The following CFAP299 variants were observed in gnomAD, a reference collection of about 807,000 sequenced individuals.
The protein encoded by CFAP299 is cilia and flagella associated protein 299, also known as cilia- and flagella-associated protein 299.
In CFAP299, 21 loss-of-function variants were observed where a neutral mutation model predicts 27.0. The ratio of observed to expected loss-of-function variants is 0.78; its 90% CI spans 0.55 to 1.12. CFAP299 has a LOEUF of 1.12. Among genes scored for constraint, CFAP299 ranks in the 50% most tolerant of loss-of-function variants. The pLI is 0.00. For synonymous variants in CFAP299, 104 were observed against 98.1 expected, an observed-to-expected ratio of 1.06 and a Z score of -0.36; for missense variants, 310 against 276.6, an observed-to-expected ratio of 1.12 and a Z score of -0.86.
chr4:80,902,410 A>G (rs188369978), intron 4 of CFAP299, among the ~76,000 whole-genome samples: 4 of 146,518 alleles, frequency 2.7e-5, no homozygotes, highest in African/African-American at 9.9e-5. Flanking sequence ...ACTTTATATA[A>G]ATATATAATA....
At chr4:80,783,735 T>C (rs936963409) in intron 3 of CFAP299, among the ~76,000 whole-genome samples, 1 of 152,194 alleles carries the variant, frequency 6.6e-6, no homozygotes, top group Non-Finnish European at 1.5e-5. Context: ...TTTTTAGGAA[T>C]CTTTCAAAAT....
In CFAP299 at chr4:80,963,659, T is replaced by G. The variant is rs2109872965; in HGVS notation, c.*47T>G. 1.6e-6 allele frequency: 2 copies of G among 1,277,792 alleles called. No homozygotes were observed. Among genetic ancestry groups the G allele is most frequent in the South Asian group, 2.5e-5 (2 of 79,810 alleles). The allele number at this position is 1,277,792 out of a possible 1,614,324, so 79.2% of individuals were successfully genotyped here. A position where few individuals can be genotyped will look rare whatever the true frequency, so the allele number is the denominator to read the frequency against. ...AATAATTTGCTAAATTTAAATAAAT[T>G]CCGTAGACAGAGCAAATTAGAATAA... On this transcript the variant is annotated 3_prime_UTR_variant, in exon 6 of 6. Transcript: ENST00000358105.
intron 1 of CFAP299, among the ~76,000 whole-genome samples, chr4:80,343,193 A>G (rs141776771): frequency 6.2e-4 from 94 of 152,366 alleles, no homozygotes; most frequent in African/African-American, 2.2e-3. Context: ...TTAGAGACCT[A>G]CAAAGAGACT....
rs1394788228 is a variant in CFAP299, at chr4:80,799,820, TTA to T, written c.334-70165_334-70164del. Among the ~76,000 whole-genome samples the T allele has an allele frequency of 5.5e-5, 2 of 36,514 alleles. 1 individual carries two copies. 24.0% of individuals were successfully genotyped at this position (36,514 alleles called of 152,430 possible). On this transcript the variant is annotated intron_variant, in intron 3 of 5. Transcript: ENST00000358105. ...ATTATATAATATATAAATATATATA[TTA>T]TATATATTTATATATTATATTATAT...
At chr4:80,467,793 G>C (rs1327779432) in intron 2 of CFAP299, among the ~76,000 whole-genome samples, 1 of 152,156 alleles carries the variant, frequency 6.6e-6, no homozygotes, top group Non-Finnish European at 1.5e-5. Flanking sequence ...ACATGGCTGA[G>C]GAGATCTCAG....
chr4:80,888,241 A>G (rs550229904), intron 4 of CFAP299, among the ~76,000 whole-genome samples: 39 of 152,172 alleles, frequency 2.6e-4, no homozygotes, highest in African/African-American at 9.1e-4. Context: ...CCTACAAGAA[A>G]CACACTTCAC....
chr4:80,724,185 T>C (rs547782905), intron 3 of CFAP299, among the ~76,000 whole-genome samples: 1 of 152,232 alleles, frequency 6.6e-6, no homozygotes, highest in East Asian at 1.9e-4. Flanking sequence ...TCAAAATATT[T>C]CTGGATTTAA....
At chr4:80,356,661 C>T (rs1367024664) in intron 1 of CFAP299, among the ~76,000 whole-genome samples, 2 of 151,962 alleles carry the variant, frequency 1.3e-5, no homozygotes, top group African/African-American at 2.4e-5. Context: ...TTTAGGAATG[C>T]TTGTGATTTC....
At chr4:80,955,521 A>T (rs939907967) in intron 5 of CFAP299, among the ~76,000 whole-genome samples, 1 of 152,202 alleles carries the variant, frequency 6.6e-6, no homozygotes, top group African/African-American at 2.4e-5. Context: ...ATCATTTTGC[A>T]TTGCGAGAGT....
At chr4:80,705,050 G>A (rs1721742473) in intron 3 of CFAP299, among the ~76,000 whole-genome samples, 1 of 151,712 alleles carries the variant, frequency 6.6e-6, no homozygotes, top group Admixed American at 6.6e-5. Context: ...AGTAGTGCAG[G>A]CATTGGAGGG....
intron 5 of CFAP299, among the ~76,000 whole-genome samples, chr4:80,961,929 G>A (rs1319186991): frequency 1.3e-5 from 2 of 151,916 alleles, no homozygotes; most frequent in Non-Finnish European, 1.5e-5. Flanking sequence ...CTGAATCACT[G>A]CTGTCACCAG....
chr4:80,480,360 C>T (rs964341615), intron 2 of CFAP299, among the ~76,000 whole-genome samples: 4 of 151,486 alleles, frequency 2.6e-5, no homozygotes, highest in South Asian at 2.1e-4. Context: ...GCAGAGGGTA[C>T]GCAAAGAGGG....
At chr4:80,506,669 C>T (rs1434216440) in intron 2 of CFAP299, among the ~76,000 whole-genome samples, 2 of 152,078 alleles carry the variant, frequency 1.3e-5, no homozygotes, top group Non-Finnish European at 2.9e-5. Context: ...TCTTTGTGCT[C>T]CTATTTTTCC....
intron 2 of CFAP299, among the ~76,000 whole-genome samples, chr4:80,468,462 G>A (rs1729820517): frequency 6.6e-6 from 1 of 151,944 alleles, no homozygotes; most frequent in Non-Finnish European, 1.5e-5. Context: ...AGCTCAAAGT[G>A]TTCCACCCGC....
At chr4:80,443,654 C>T (rs1033322251) in intron 2 of CFAP299, among the ~76,000 whole-genome samples, 2 of 152,168 alleles carry the variant, frequency 1.3e-5, no homozygotes, top group Non-Finnish European at 2.9e-5. Flanking sequence ...CACTCCTATT[C>T]AACACAGTAT....
At chr4:80,549,191 T>C (rs1193821222) in intron 2 of CFAP299, among the ~76,000 whole-genome samples, 2 of 151,996 alleles carry the variant, frequency 1.3e-5, no homozygotes, top group Non-Finnish European at 2.9e-5. Context: ...ACACACACAA[T>C]TTTTAAACTA....
intron 3 of CFAP299, among the ~76,000 whole-genome samples, chr4:80,592,606 G>A (rs1240659905): frequency 1.7e-4 from 26 of 152,184 alleles, no homozygotes; most frequent in Non-Finnish European, 7.4e-5. Flanking sequence ...CAGGAAAGAT[G>A]TTGAGTGTGC....
intron 2 of CFAP299, among the ~76,000 whole-genome samples, chr4:80,429,886 G>C (rs1245676434): frequency 6.6e-6 from 1 of 151,928 alleles, no homozygotes; most frequent in East Asian, 1.9e-4. Context: ...ACAAGGCTTA[G>C]GTAAAATAAA....
intron 2 of CFAP299, among the ~76,000 whole-genome samples, chr4:80,421,604 A>G (rs1256153736): frequency 6.6e-6 from 1 of 152,176 alleles, no homozygotes; most frequent in African/African-American, 2.4e-5. Context: ...GAGGAGCAAA[A>G]ACAACAAGAT....
Sources: gnomAD v4.1 joint callset for allele counts (sites outside exome capture counted in the v4.1 genomes callset) on GRCh38, gnomAD v4.1.1 for gene constraint, MANE v1.5 for transcripts, NCBI Gene and HGNC (gene_info 2026-07-23, HGNC 2026-07-21) for gene names.